TLCD3A: variants seen among roughly 807,000 people sequenced by gnomAD.
The protein encoded by TLCD3A is TLC domain-containing protein 3A.
Under a neutral mutation model 29.9 loss-of-function variants are expected in TLCD3A, and 17 were observed. The ratio of observed to expected loss-of-function variants is 0.57; its 90% CI spans 0.39 to 0.85. TLCD3A has a LOEUF of 0.85. Ranked by LOEUF, TLCD3A falls within the 40% of genes least tolerant of loss-of-function variation. The pLI, the probability that TLCD3A is intolerant of heterozygous loss-of-function variation, is 0.00. For missense variants in TLCD3A, 332 were observed against 350.8 expected (o/e 0.95, Z 0.43); for synonymous variants, 143 against 147.7 (o/e 0.97, Z 0.23).
At chr17:737,762 CTGA>C (rs2144115878) in intron 2 of TLCD3A, 81 bp from the exon 3 acceptor site, 1 of 1,214,734 alleles carries the variant, frequency 8.2e-7, no homozygotes, top group Non-Finnish European at 1.2e-6. Flanking sequence ...ATAATAATAG[CTGA>C]TCAAGCACCA....
rs568182633 is a variant in TLCD3A at position 741,799 on chromosome 17, A to G, written c.*229A>G. On this transcript the variant is annotated 3_prime_UTR_variant, in exon 5 of 5. Transcript: ENST00000308278. ...CCTGTCAGACCTCCACGGACAGCAA[A>G]GTGGTTTTAATGCAAGCCCAAGGAT... 1.7e-6 allele frequency: 1 copy of G among 577,738 alleles called. No homozygotes were observed. The highest frequency in any genetic ancestry group is 3.0e-5 in the East Asian group (1 of 33,178). The allele number at this position is 577,738 out of a possible 1,614,324, so 35.8% of individuals were successfully genotyped here.
chr17:733,582 C>CT, intron 2 of TLCD3A, among the ~76,000 whole-genome samples: 1 of 152,140 alleles, frequency 6.6e-6, no homozygotes, highest in South Asian at 2.1e-4. Flanking sequence ...CCACCACCCC[C>CT]TTCCACGCAA....
intron 3 of TLCD3A, among the ~76,000 whole-genome samples, chr17:739,844 G>A (rs1429952759): frequency 3.3e-5 from 5 of 152,036 alleles, no homozygotes; most frequent in Non-Finnish European, 7.4e-5. Flanking sequence ...TCAGAAGTTC[G>A]AGACCAGCCT....
intron 2 of TLCD3A, among the ~76,000 whole-genome samples, chr17:733,707 T>G (rs2295480): frequency 0.24 from 36,944 of 152,274 alleles, 4,729 homozygotes; most frequent in South Asian, 0.29. Context: ...TCAGGAAATG[T>G]GCACCTATCT....
Position 742,900 on chromosome 17 carries a change from T to C in TLCD3A, c.*1330T>C, listed in dbSNP as rs1974281639. Reference sequence around the variant, plus strand: ...CAAAATGCTATTTTTTAATTGTCTTTTTTTTTTAACTATCAGTGTATCTTT... The same window carrying C: ...CAAAATGCTATTTTTTAATTGTCTTCTTTTTTTAACTATCAGTGTATCTTT... On this transcript the variant is annotated 3_prime_UTR_variant, in exon 5 of 5. Transcript: ENST00000308278. 1.3e-5 allele frequency: 2 copies of C among 152,376 alleles called. No homozygotes were observed. Among genetic ancestry groups the C allele is most frequent in the African/African-American group, 4.8e-5 (2 of 41,446 alleles). The allele number at this position is 152,376 out of a possible 1,614,324, so 9.4% of individuals were successfully genotyped here.
chr17:738,347 C>T (rs993014651), intron 3 of TLCD3A, among the ~76,000 whole-genome samples: 3 of 152,154 alleles, frequency 2.0e-5, no homozygotes, highest in African/African-American at 4.8e-5. Flanking sequence ...CCGCCCGCCT[C>T]GGCCTCCCAA....
At position 742,490 on chromosome 17, in the gene TLCD3A, C is replaced by G. The variant is rs887152912; in HGVS notation, c.*920C>G. On this transcript the variant is annotated 3_prime_UTR_variant, in exon 5 of 5. Coordinates refer to ENST00000308278, the MANE Select transcript of TLCD3A (RefSeq NM_024792.3). Reference sequence around the variant, plus strand: ...TGGAAACCTACTTCTGTCCTCCAAACCATGAAATGTGTCATCTAGACTGCA... The same window carrying G: ...TGGAAACCTACTTCTGTCCTCCAAAGCATGAAATGTGTCATCTAGACTGCA... The G allele has an allele frequency of 1.3e-5, 2 of 152,242 alleles. No individual in the cohort carries two copies. Among genetic ancestry groups the G allele is most frequent in the Non-Finnish European group, 2.9e-5 (2 of 68,050 alleles). The allele number at this position is 152,242 out of a possible 1,614,324, so 9.4% of individuals were successfully genotyped here. A position where few individuals can be genotyped will look rare whatever the true frequency, so the allele number is the denominator to read the frequency against.
intron 3 of TLCD3A, among the ~76,000 whole-genome samples, chr17:739,753 T>C (rs941757990): frequency 6.6e-6 from 1 of 152,212 alleles, no homozygotes; most frequent in African/African-American, 2.4e-5. Context: ...TGGTACTAAG[T>C]GGCAGAGCTG....
At chr17:737,769 A>G in intron 2 of TLCD3A, 77 bp from the exon 3 acceptor site, 1 of 1,308,044 alleles carries the variant, frequency 7.6e-7, no homozygotes, top group Middle Eastern at 1.9e-4. Context: ...TAGCTGATCA[A>G]GCACCAAGCT....
intron 2 of TLCD3A, among the ~76,000 whole-genome samples, chr17:734,478 T>C (rs1472376954): frequency 6.6e-6 from 1 of 150,802 alleles, no homozygotes; most frequent in Non-Finnish European, 1.5e-5. Flanking sequence ...TGGCTAACTT[T>C]TTTTTGTTGT....
intron 3 of TLCD3A, among the ~76,000 whole-genome samples, chr17:740,022 G>C (rs536101649): frequency 6.6e-6 from 1 of 152,114 alleles, no homozygotes; most frequent in South Asian, 2.1e-4. Flanking sequence ...CTCCAGCCTG[G>C]GCAACAAGAA....
At chr17:737,712 T>C (rs908246470) in intron 2 of TLCD3A, 134 bp from the exon 3 acceptor site, 1 of 889,448 alleles carries the variant, frequency 1.1e-6, no homozygotes, top group Non-Finnish European at 1.8e-6. Context: ...CTACTCTCCC[T>C]GTTTATCAGT....
intron 2 of TLCD3A, among the ~76,000 whole-genome samples, chr17:735,786 G>A (rs369816871): frequency 1.3e-5 from 2 of 151,424 alleles, no homozygotes; most frequent in Admixed American, 6.6e-5. Context: ...CCAACATGGT[G>A]AAACCCCCAT....
chr17:741,277 T>G (rs1974248464), intron 4 of TLCD3A, 24 bp from the exon 5 acceptor site: 2 of 1,612,292 alleles, frequency 1.2e-6, no homozygotes, highest in East Asian at 4.5e-5. Context: ...TGACCTTACC[T>G]TTTTCCTTCC....
At chr17:733,005 G>C in intron 1 of TLCD3A, 93 bp from the exon 2 acceptor site, 1 of 1,465,856 alleles carries the variant, frequency 6.8e-7, no homozygotes, top group Non-Finnish European at 9.3e-7. Flanking sequence ...ATCTGCCTGC[G>C]GCTGGGGAGA....
At chr17:741,221 T>C in intron 4 of TLCD3A, 80 bp from the exon 5 acceptor site, 2 of 1,452,042 alleles carry the variant, frequency 1.4e-6, no homozygotes, top group Non-Finnish European at 1.9e-6. Flanking sequence ...TGGCATTTAC[T>C]GTGGTGGGAC....
chr17:740,877 G>A (rs8080137), intron 4 of TLCD3A, among the ~76,000 whole-genome samples: 9,315 of 152,232 alleles, frequency 0.061, 919 homozygotes, highest in African/African-American at 0.21. Context: ...TGCCAGGAGA[G>A]TGGGATGAGA....
intron 3 of TLCD3A, 134 bp from the exon 4 acceptor site, chr17:740,371 A>G: frequency 2.8e-6 from 2 of 717,440 alleles, no homozygotes; most frequent in Non-Finnish European, 5.0e-6. Flanking sequence ...AAGCAGCGGT[A>G]CAGTAGTCTG....
rs1974100361 is a variant in TLCD3A at position 733,081 on chromosome 17, C to G, written c.123-17C>G. ...GACCGGACTGAGCGCGCGCGCTGTTCTCTCCGCCCGCGCTAGGCTGGTTTC... is the reference window on the plus strand; with the variant it reads ...GACCGGACTGAGCGCGCGCGCTGTTGTCTCCGCCCGCGCTAGGCTGGTTTC... On this transcript the variant is annotated splice_polypyrimidine_tract_variant and intron_variant, in intron 1 of 4. Coordinates refer to ENST00000308278, the MANE Select transcript of TLCD3A (RefSeq NM_024792.3). 2 of 1,454,694 alleles carry G rather than the reference C, an allele frequency of 1.4e-6. No homozygotes were observed. Among genetic ancestry groups the G allele is most frequent in the South Asian group, 2.5e-5 (2 of 81,568 alleles). The allele number at this position is 1,454,694 out of a possible 1,614,324, so 90.1% of individuals were successfully genotyped here. A position where few individuals can be genotyped will look rare whatever the true frequency, so the allele number is the denominator to read the frequency against.
Sources: allele counts gnomAD v4.1 joint callset (sites outside exome capture counted in the v4.1 genomes callset), GRCh38; gene constraint gnomAD v4.1.1; transcripts MANE v1.5; gene names NCBI Gene and HGNC (gene_info 2026-07-23, HGNC 2026-07-21).